DENND1B: variants seen among roughly 807,000 people sequenced by gnomAD.
DENND1B encodes DENN domain-containing protein 1B.
DENND1B carries 59 observed loss-of-function variants against 90.1 expected under a neutral mutation model. That is an observed-to-expected ratio of 0.65 (90% CI 0.53 to 0.81). The LOEUF (loss-of-function observed/expected upper bound fraction) is 0.81. Ranked by LOEUF, DENND1B falls within the 40% of genes least tolerant of loss-of-function variation. The probability of loss-of-function intolerance (pLI) is 0.00; values close to 1 mark genes in which losing one functional copy is unlikely to be tolerated. For synonymous variants in DENND1B, 337 were observed against 324.6 expected, an observed-to-expected ratio of 1.04 and a Z score of -0.41; for missense variants, 862 against 912.6, an observed-to-expected ratio of 0.94 and a Z score of 0.71.
At chr1:197,528,815 C>G (rs979405018) in intron 20 of DENND1B, among the ~76,000 whole-genome samples, 2 of 150,990 alleles carry the variant, frequency 1.3e-5, no homozygotes, top group East Asian at 3.9e-4. Context: ...AGCCGAGATC[C>G]CGCCACTGCA....
chr1:197,707,604 C>CAT (rs530434941), intron 3 of DENND1B, among the ~76,000 whole-genome samples: 2 of 145,162 alleles, frequency 1.4e-5, no homozygotes, highest in East Asian at 2.0e-4. Context: ...ATATTATATA[C>CAT]ATATATATAC....
intron 13 of DENND1B, among the ~76,000 whole-genome samples, chr1:197,599,199 T>C (rs1675976693): frequency 6.6e-6 from 1 of 151,756 alleles, no homozygotes. Flanking sequence ...AATGAAGTAA[T>C]TATACCAAAG....
intron 15 of DENND1B, among the ~76,000 whole-genome samples, chr1:197,562,433 T>G (rs1329493192): frequency 6.6e-6 from 1 of 151,948 alleles, no homozygotes; most frequent in African/African-American, 2.4e-5. Flanking sequence ...CTTACAATAT[T>G]TCAAACTTTT....
chr1:197,690,721 G>T (rs1183025979), intron 3 of DENND1B: 1 of 153,634 alleles, frequency 6.5e-6, no homozygotes. Flanking sequence ...GCCATTTTAA[G>T]TTTAATAGTA....
chr1:197,583,754 A>G (rs1674452894), intron 14 of DENND1B, among the ~76,000 whole-genome samples: 1 of 152,208 alleles, frequency 6.6e-6, no homozygotes, highest in Non-Finnish European at 1.5e-5. Flanking sequence ...ACTTTCCAGG[A>G]TAAGTCCTAC....
chr1:197,661,665 A>G (rs1349119930), intron 5 of DENND1B, among the ~76,000 whole-genome samples: 1 of 152,066 alleles, frequency 6.6e-6, no homozygotes, highest in Non-Finnish European at 1.5e-5. Flanking sequence ...TTTTTCTTTC[A>G]TGGTCTACTA....
intron 11 of DENND1B, among the ~76,000 whole-genome samples, chr1:197,614,813 T>C (rs773879181): frequency 4.6e-5 from 7 of 151,032 alleles, no homozygotes; most frequent in Non-Finnish European, 8.9e-5. Flanking sequence ...AGAAGAGTCA[T>C]ATAGCCTAAA....
rs572530468 is a variant in DENND1B, at chr1:197,672,198, C to T, written c.177-42G>A. 5 of 1,537,352 alleles carry T rather than the reference C, an allele frequency of 3.3e-6. No homozygotes were observed. The African/African-American group carries it at 4.2e-5, about 13-fold the overall frequency. On this transcript the variant is annotated intron_variant, in intron 4 of 22. Coordinates refer to ENST00000620048, the MANE Select transcript of DENND1B (RefSeq NM_001195215.2). ...TTAGGAAACATTGTGCCTTGTTTGA[C>T]AATTTTCTTCAAGAAAAACAAAAAT...
intron 2 of DENND1B, among the ~76,000 whole-genome samples, chr1:197,719,364 T>C (rs1660943004): frequency 6.6e-6 from 1 of 151,812 alleles, no homozygotes; most frequent in African/African-American, 2.4e-5. Context: ...GACAGGAAGG[T>C]TGGAATTCAG....
intron 1 of DENND1B, among the ~76,000 whole-genome samples, chr1:197,773,821 A>C (rs1023674853): frequency 6.6e-6 from 1 of 152,242 alleles, no homozygotes; most frequent in African/African-American, 2.4e-5. Flanking sequence ...TAAAAGATTA[A>C]GTCTGTTACC....
intron 20 of DENND1B, among the ~76,000 whole-genome samples, chr1:197,514,066 T>G (rs534293630): frequency 1.9e-4 from 29 of 151,864 alleles, no homozygotes; most frequent in Middle Eastern, 3.4e-3. Flanking sequence ...GTATGATTCG[T>G]CAAGCGATCC....
chr1:197,770,605 T>TGC (rs1273242494), intron 2 of DENND1B, among the ~76,000 whole-genome samples: 1 of 144,760 alleles, frequency 6.9e-6, no homozygotes, highest in Non-Finnish European at 1.5e-5. Flanking sequence ...TGTGTGTGTG[T>TGC]GTATATATAT....
chr1:197,705,808 G>A (rs980652333), intron 3 of DENND1B, among the ~76,000 whole-genome samples: 16 of 151,814 alleles, frequency 1.1e-4, no homozygotes, highest in African/African-American at 3.4e-4. Context: ...GAGAACAAAC[G>A]CAAACTTCTT....
At chr1:197,539,748 C>T (rs1012196195) in intron 20 of DENND1B, among the ~76,000 whole-genome samples, 20 of 152,154 alleles carry the variant, frequency 1.3e-4, no homozygotes, top group African/African-American at 4.6e-4. Context: ...TCTATGAGGG[C>T]ATGGGCTAAC....
At chr1:197,582,662 GGACA>G (rs774544203) in intron 15 of DENND1B, among the ~76,000 whole-genome samples, 5 of 151,924 alleles carry the variant, frequency 3.3e-5, no homozygotes, top group Non-Finnish European at 7.4e-5. Context: ...CCAAAAATCA[GGACA>G]AACAGCATAA....
chr1:197,564,901 G>C (rs1672494068), intron 15 of DENND1B, among the ~76,000 whole-genome samples: 1 of 152,062 alleles, frequency 6.6e-6, no homozygotes, highest in African/African-American at 2.4e-5. Context: ...CAGTTAACAA[G>C]AGATGCTGGG....
At chr1:197,569,123 G>GA (rs902882091) in intron 15 of DENND1B, among the ~76,000 whole-genome samples, 6 of 151,324 alleles carry the variant, frequency 4.0e-5, no homozygotes, top group African/African-American at 1.2e-4. Flanking sequence ...AAAATATTTG[G>GA]AAAAAAAACA....
Position 197,647,112 on chromosome 1 carries a change from G to T in DENND1B, c.450C>A (p.Asn150Lys). 1 of 1,455,810 alleles carries T rather than the reference G, an allele frequency of 6.9e-7. No homozygotes were observed. Among genetic ancestry groups the T allele is most frequent in the Non-Finnish European group, 9.0e-7 (1 of 1,111,978 alleles). 90.2% of individuals were successfully genotyped at this position (1,455,810 alleles called of 1,614,324 possible). ...KANTPVNLSV[N>K]QEIFIACEQV... ...GCTCACAGGCAATAAATATCTCTTGGTTCTTATAATACATGAGAGAAAAAA... is the reference window on the plus strand; with the variant it reads ...GCTCACAGGCAATAAATATCTCTTGTTTCTTATAATACATGAGAGAAAAAA... The change falls in exon 8 of 23, where the codon AAC (asparagine) becomes AAA (lysine). Residue 150 changes from asparagine (N) to lysine (K), a missense_variant and splice_region_variant. Transcript: ENST00000620048.
At chr1:197,772,975 C>T (rs1558506687) in intron 1 of DENND1B, 43 bp from the exon 2 acceptor site, 4 of 1,445,724 alleles carry the variant, frequency 2.8e-6, no homozygotes, top group Non-Finnish European at 1.9e-6. Context: ...GACAAATAAA[C>T]ATCTCCATGA....
Sources: gnomAD v4.1 joint callset for allele counts (sites outside exome capture counted in the v4.1 genomes callset) on GRCh38, gnomAD v4.1.1 for gene constraint, MANE v1.5 for transcripts, NCBI Gene and HGNC (gene_info 2026-07-23, HGNC 2026-07-21) for gene names.